SHISA6: variants seen among roughly 807,000 people sequenced by gnomAD.
The protein encoded by SHISA6 is protein shisa-6.
SHISA6 carries 22 observed loss-of-function variants against 47.9 expected under a neutral mutation model. That is an observed-to-expected ratio of 0.46 (90% CI 0.33 to 0.66). The LOEUF is 0.66. Ranked by LOEUF, SHISA6 falls within the 30% of genes least tolerant of loss-of-function variation. The pLI, the probability that SHISA6 is intolerant of heterozygous loss-of-function variation, is 0.02. For missense variants in SHISA6, 680 were observed against 764.6 expected (o/e 0.89, Z 1.30); for synonymous variants, 388 against 337.8 (o/e 1.15, Z -1.63).
chr17:11,286,819 C>G (rs1240352549), intron 2 of SHISA6, among the ~76,000 whole-genome samples: 1 of 152,196 alleles, frequency 6.6e-6, no homozygotes, highest in African/African-American at 2.4e-5. Context: ...AGAGGCAGAA[C>G]ACTGCATCCA....
In SHISA6 at chr17:11,263,573, G is replaced by GTGAA. The variant is rs1274713689; in HGVS notation, c.799+47_799+48insTGAA. ...TGATTCTTTGCTGAGGCTGGTGAGA[G>GTGAA]GTTTCAGGATGTTTCTGCTCTGGTG... On this transcript the variant is annotated intron_variant, in intron 2 of 5. Coordinates refer to ENST00000441885, the MANE Select transcript of SHISA6 (RefSeq NM_207386.4). 2.6e-6 allele frequency: 4 copies of GTGAA among 1,547,394 alleles called. No homozygotes were observed. In the African/African-American group the frequency reaches 5.5e-5, roughly 21 times the overall value.
chr17:11,320,825 A>G (rs1910693017), intron 2 of SHISA6, among the ~76,000 whole-genome samples: 2 of 152,232 alleles, frequency 1.3e-5, no homozygotes, highest in Non-Finnish European at 2.9e-5. Context: ...TTCAGGAGGC[A>G]GAGAACTCAT....
chr17:11,254,303 G>T (rs1907925111), intron 1 of SHISA6, among the ~76,000 whole-genome samples: 1 of 152,166 alleles, frequency 6.6e-6, no homozygotes, highest in Admixed American at 6.5e-5. Flanking sequence ...CTGTAGTGTT[G>T]TGGAAGTGTG....
At chr17:11,347,206 G>C (rs987982427) in intron 2 of SHISA6, among the ~76,000 whole-genome samples, 1 of 151,980 alleles carries the variant, frequency 6.6e-6, no homozygotes, top group Non-Finnish European at 1.5e-5. Flanking sequence ...AAAAAAAAAG[G>C]ATATCCACAA....
chr17:11,477,140 T>C (rs1916070560), intron 3 of SHISA6, among the ~76,000 whole-genome samples: 1 of 152,222 alleles, frequency 6.6e-6, no homozygotes, highest in South Asian at 2.1e-4. Context: ...CTACTTGCAA[T>C]CTATATGTGT....
chr17:11,530,770 A>G (rs900243435), intron 3 of SHISA6, among the ~76,000 whole-genome samples: 4 of 152,220 alleles, frequency 2.6e-5, no homozygotes, highest in African/African-American at 9.6e-5. Flanking sequence ...ACTCATGAGG[A>G]AAAGAAGGCA....
At chr17:11,503,810 C>T (rs548993974) in intron 3 of SHISA6, among the ~76,000 whole-genome samples, 6 of 152,310 alleles carry the variant, frequency 3.9e-5, no homozygotes, top group East Asian at 1.9e-4. Context: ...ATGTAGCCGG[C>T]GCTACTGTGG....
intron 2 of SHISA6, among the ~76,000 whole-genome samples, chr17:11,350,174 A>ATTTT (rs1310542458): frequency 2.9e-4 from 29 of 100,418 alleles, no homozygotes; most frequent in African/African-American, 6.7e-4. Context: ...TTATTTATTT[A>ATTTT]TTTATTTATT....
In SHISA6 at chr17:11,335,062, A is replaced by G. The variant is rs148354599; in HGVS notation, c.800-44352A>G. Among the ~76,000 whole-genome samples the G allele has an allele frequency of 4.1e-3, 627 of 152,346 alleles. 5 individuals carry two copies. The highest frequency in any genetic ancestry group is 0.014 in the African/African-American group (585 of 41,586). On this transcript the variant is annotated intron_variant, in intron 2 of 5. Coordinates refer to ENST00000441885, the MANE Select transcript of SHISA6 (RefSeq NM_207386.4). The stretch of plus-strand genomic sequence containing the variant: ...AGGTGGCACTTCAACATCTTTTCGT[A>G]GGACACGTGGAAGAATGTGCCCTTT...
intron 2 of SHISA6, among the ~76,000 whole-genome samples, chr17:11,276,098 C>T (rs961390058): frequency 1.2e-4 from 19 of 152,066 alleles, no homozygotes; most frequent in African/African-American, 4.6e-4. Context: ...CTGCCTAAGC[C>T]TCTCAAGTAG....
intron 2 of SHISA6, among the ~76,000 whole-genome samples, chr17:11,311,888 G>T (rs981818486): frequency 8.6e-5 from 13 of 151,948 alleles, no homozygotes; most frequent in Non-Finnish European, 1.6e-4. Flanking sequence ...CGATTCTTCT[G>T]CCTCAGTGTC....
chr17:11,310,778 A>G (rs1910299828), intron 2 of SHISA6, among the ~76,000 whole-genome samples: 1 of 151,170 alleles, frequency 6.6e-6, no homozygotes, highest in Non-Finnish European at 1.5e-5. Context: ...TTCGAGACCA[A>G]CCTGACCGAC....
chr17:11,499,620 C>T lies in SHISA6; in HGVS notation c.896-52276C>T, dbSNP rs142124064. 6.5e-3 allele frequency among the ~76,000 whole-genome samples: 985 copies of T among 151,892 alleles called. 11 individuals carry two copies. Among genetic ancestry groups the T allele is most frequent in the Middle Eastern group, 0.014 (4 of 288 alleles). On this transcript the variant is annotated intron_variant, in intron 3 of 5. Coordinates refer to ENST00000441885, the MANE Select transcript of SHISA6 (RefSeq NM_207386.4). ...ACTTTAATAGGGGAGCAATGCTTTA[C>T]ATTAGTCCCTCTTTTTTGTTTTTTA...
chr17:11,405,599 C>T (rs1913925229), intron 3 of SHISA6, among the ~76,000 whole-genome samples: 1 of 152,012 alleles, frequency 6.6e-6, no homozygotes, highest in Admixed American at 6.6e-5. Context: ...GTCAGCAGTT[C>T]GAGACCAGCC....
intron 3 of SHISA6, among the ~76,000 whole-genome samples, chr17:11,419,156 TG>T (rs1278402548): frequency 2.0e-5 from 3 of 151,938 alleles, no homozygotes; most frequent in Non-Finnish European, 1.5e-5. Context: ...ACGTGGCACA[TG>T]TATACATATG....
chr17:11,282,262 T>C (rs535293650), intron 2 of SHISA6, among the ~76,000 whole-genome samples: 1 of 152,330 alleles, frequency 6.6e-6, no homozygotes, highest in African/African-American at 2.4e-5. Context: ...CATAGTTCTC[T>C]TATTCACTTG....
chr17:11,277,280 T>TCTCA (rs1386997909), intron 2 of SHISA6, among the ~76,000 whole-genome samples: 68 of 53,916 alleles, frequency 1.3e-3, no homozygotes, highest in Middle Eastern at 0.029. Flanking sequence ...TCTCTCTCTC[T>TCTCA]CACACACACA....
chr17:11,481,963 C>CA (rs1916235286), intron 3 of SHISA6, among the ~76,000 whole-genome samples: 1 of 152,114 alleles, frequency 6.6e-6, no homozygotes, highest in Non-Finnish European at 1.5e-5. Flanking sequence ...GCTGGAGATG[C>CA]TCTCCAGATG....
intron 2 of SHISA6, among the ~76,000 whole-genome samples, chr17:11,313,983 C>CA (rs1446861863): frequency 6.6e-6 from 1 of 152,014 alleles, no homozygotes; most frequent in East Asian, 1.9e-4. Context: ...TATAGAGAGG[C>CA]AAAAGAGGTA....
Sources: gnomAD v4.1 joint callset for allele counts (sites outside exome capture counted in the v4.1 genomes callset) on GRCh38, gnomAD v4.1.1 for gene constraint, MANE v1.5 for transcripts, NCBI Gene and HGNC (gene_info 2026-07-23, HGNC 2026-07-21) for gene names.